Variants in SASH1 observed in about 807,000 individuals in gnomAD.
SASH1 encodes SAM and SH3 domain containing 1.
In SASH1, 44 loss-of-function variants were observed where a neutral mutation model predicts 125.2. That is an observed-to-expected ratio of 0.35 (90% CI 0.28 to 0.45). The LOEUF is 0.45. Ranked by LOEUF, SASH1 falls within the 20% of genes least tolerant of loss-of-function variation. The pLI, the probability that SASH1 is intolerant of heterozygous loss-of-function variation, is 1.00. For missense variants in SASH1, 1,426 were observed against 1,614.5 expected, an observed-to-expected ratio of 0.88 and a Z score of 2.00; for synonymous variants, 639 against 649.1, an observed-to-expected ratio of 0.98 and a Z score of 0.24.
the SASH1 span, among the ~76,000 whole-genome samples, chr6:148,224,545 G>A: frequency 3.4e-4 from 51 of 152,226 alleles, no homozygotes; most frequent in African/African-American, 1.2e-3. Context: ...ATTTTTAGTA[G>A]AGATGGGGTT....
chr6:148,448,109 G>GGA (rs780417357), intron 4 of SASH1, among the ~76,000 whole-genome samples: 25 of 147,748 alleles, frequency 1.7e-4, no homozygotes, highest in Non-Finnish European at 2.3e-4. Flanking sequence ...CTATTGCAGT[G>GGA]GAGAGAGTGT....
At chr6:148,423,206 G>A (rs1429934626) in intron 2 of SASH1, among the ~76,000 whole-genome samples, 5 of 152,146 alleles carry the variant, frequency 3.3e-5, no homozygotes, top group Non-Finnish European at 5.9e-5. Flanking sequence ...CAAAGTGTTG[G>A]GATTACAGGC....
At chr6:148,522,374 C>G (rs1780872953) in intron 10 of SASH1, among the ~76,000 whole-genome samples, 1 of 152,122 alleles carries the variant, frequency 6.6e-6, no homozygotes. Flanking sequence ...AATCTTATTT[C>G]TTTGCTAGAT....
At chr6:148,387,533 TCTTTCTTTCTTTTCTTTTC>T (rs1783430888) in intron 1 of SASH1, among the ~76,000 whole-genome samples, 2 of 149,108 alleles carry the variant, frequency 1.3e-5, no homozygotes, top group Middle Eastern at 3.2e-3. Context: ...CTTTCTTTCT[TCTTTCTTTCTTTTCTTTTC>T]CTTTCTTTCT....
intron 4 of SASH1, among the ~76,000 whole-genome samples, chr6:148,460,929 C>T (rs1777584296): frequency 6.6e-6 from 1 of 152,132 alleles, no homozygotes; most frequent in Admixed American, 6.5e-5. Context: ...AACTTAGATT[C>T]TAGAATAGGA....
At chr6:148,415,772 T>C (rs1324883466) in intron 2 of SASH1, among the ~76,000 whole-genome samples, 2 of 152,200 alleles carry the variant, frequency 1.3e-5, no homozygotes, top group Non-Finnish European at 2.9e-5. Context: ...TCCATGGCTC[T>C]GTCATTGGAG....
intron 1 of SASH1, among the ~76,000 whole-genome samples, chr6:148,281,739 G>A (rs530343045): frequency 7.2e-5 from 11 of 152,144 alleles, no homozygotes; most frequent in African/African-American, 2.2e-4. Context: ...TGGCTAACAC[G>A]GTGAAACACC....
In SASH1 at chr6:148,527,527, G is replaced by C; in HGVS notation, c.1359G>C (p.Lys453Asn). The C allele has an allele frequency of 3.1e-6, 5 of 1,609,484 alleles. No homozygotes were observed. Among genetic ancestry groups the C allele is most frequent in the Non-Finnish European group, 4.2e-6 (5 of 1,178,530 alleles). Reference protein sequence around the residue: ...PTASRISLGKKVKSVKETMRK... With the variant: ...PTASRISLGKNVKSVKETMRK... ...CCTCTCGCATCTCTCTTGGGAAAAA[G>C]GTGAAATCAGTGAAAGAGACGATGA... The change falls in exon 12 of 20, where the codon AAG becomes AAC. Residue 453 changes from lysine (K) to asparagine (N), a missense_variant. Physicochemically the swap from Lys to Asn is moderately conservative, Grantham distance 94. Around this residue, in one of 3 missense-constraint regions of SASH1, gnomAD observed 225 missense variants for 344.5 expected, o/e 0.65. Coordinates refer to ENST00000367467, the MANE Select transcript of SASH1 (RefSeq NM_015278.5).
intron 11 of SASH1, 95 bp from the exon 12 acceptor site, chr6:148,527,358 A>C (rs1264198548): frequency 1.8e-6 from 2 of 1,104,958 alleles, no homozygotes; most frequent in African/African-American, 3.3e-5. Flanking sequence ...GAGGAATGTC[A>C]ATATTTCTGA....
At chr6:148,350,877 A>G (rs572546023) in intron 1 of SASH1, among the ~76,000 whole-genome samples, 1 of 152,364 alleles carries the variant, frequency 6.6e-6, no homozygotes, top group Admixed American at 6.5e-5. Context: ...TTCAAATGAT[A>G]TGCTCATCTA....
At chr6:148,421,483 T>C (rs1785102718) in intron 2 of SASH1, among the ~76,000 whole-genome samples, 1 of 152,148 alleles carries the variant, frequency 6.6e-6, no homozygotes, top group African/African-American at 2.4e-5. Flanking sequence ...TTTGTATTTT[T>C]AGTAGAGACA....
the SASH1 span, among the ~76,000 whole-genome samples, chr6:148,231,494 A>T: frequency 6.6e-6 from 1 of 152,234 alleles, no homozygotes; most frequent in African/African-American, 2.4e-5. Flanking sequence ...TTAGGACAAC[A>T]AATTTTTAAA....
the SASH1 span, among the ~76,000 whole-genome samples, chr6:148,212,325 C>T: frequency 6.6e-6 from 1 of 152,124 alleles, no homozygotes; most frequent in African/African-American, 2.4e-5. Flanking sequence ...AGCACTGATG[C>T]CAAGAGATGG....
chr6:148,420,846 T>C (rs769287312), intron 2 of SASH1, among the ~76,000 whole-genome samples: 1 of 152,024 alleles, frequency 6.6e-6, no homozygotes, highest in Non-Finnish European at 1.5e-5. Flanking sequence ...TTTGGGAGGC[T>C]GAGGCGGGTG....
At chr6:148,370,050 C>T (rs1251381335) in intron 1 of SASH1, among the ~76,000 whole-genome samples, 1 of 139,936 alleles carries the variant, frequency 7.1e-6, no homozygotes, top group African/African-American at 2.6e-5. Flanking sequence ...AAAAAAAATT[C>T]TCAAAATAGA....
At chr6:148,299,732 C>T (rs2128512603) in intron 1 of SASH1, among the ~76,000 whole-genome samples, 1 of 146,724 alleles carries the variant, frequency 6.8e-6, no homozygotes, top group East Asian at 2.0e-4. Context: ...ATGATATAAA[C>T]ATAAGAAGCC....
rs182816155 is a variant in SASH1 at position 148,356,846 on chromosome 6, A to G, written c.156+13623A>G. On this transcript the variant is annotated intron_variant, in intron 1 of 19. Transcript: ENST00000367467. ...AGTGTTTTCCCTTTTCACCACATCC[A>G]TACCCACATCTGTTATTTTTTGATT... is the stretch of plus-strand genomic sequence containing the variant. Among the ~76,000 whole-genome samples the G allele has an allele frequency of 2.6e-5, 4 of 152,296 alleles. No homozygotes were observed. The East Asian group carries it at 5.8e-4, about 22-fold the overall frequency.
chr6:148,382,945 C>A (rs1468089662), intron 1 of SASH1, among the ~76,000 whole-genome samples: 1 of 152,210 alleles, frequency 6.6e-6, no homozygotes, highest in African/African-American at 2.4e-5. Flanking sequence ...TGTCGTTACA[C>A]GTTAAAACTT....
chr6:148,423,686 C>G (rs1480495905), intron 2 of SASH1, among the ~76,000 whole-genome samples: 2 of 152,188 alleles, frequency 1.3e-5, no homozygotes, highest in South Asian at 2.1e-4. Flanking sequence ...TCTTGCTTAA[C>G]TGCGAGCTCT....
Sources: allele counts gnomAD v4.1 joint callset (sites outside exome capture counted in the v4.1 genomes callset), GRCh38; gene constraint gnomAD v4.1.1; regional missense constraint gnomAD v4.1.1; transcripts MANE v1.5; gene names NCBI Gene and HGNC (gene_info 2026-07-23, HGNC 2026-07-21).